SFI1: variants seen among roughly 807,000 people sequenced by gnomAD.
The protein encoded by SFI1 is SFI1 centrin binding protein, also known as protein SFI1 homolog.
In SFI1, 195 loss-of-function variants were observed where a neutral mutation model predicts 207.5. The ratio of observed to expected loss-of-function variants is 0.94; its 90% CI spans 0.84 to 1.06. The LOEUF is 1.06. SFI1 is among the 50% of genes least tolerant of loss of function. The pLI is 0.00. For synonymous variants in SFI1, 630 were observed against 598.9 expected (o/e 1.05, Z -0.76); for missense variants, 1,634 against 1,588.0 (o/e 1.03, Z -0.49).
intron 2 of SFI1, among the ~76,000 whole-genome samples, chr22:31,525,195 T>G (rs1289232210): frequency 6.6e-6 from 1 of 152,234 alleles, no homozygotes; most frequent in Non-Finnish European, 1.5e-5. Flanking sequence ...TTGCTTTTGT[T>G]GCCTGTGCTT....
intron 4 of SFI1, among the ~76,000 whole-genome samples, chr22:31,543,700 C>A (rs925068835): frequency 2.0e-5 from 3 of 151,754 alleles, no homozygotes; most frequent in Admixed American, 2.0e-4. Flanking sequence ...GTCCCAGCTA[C>A]TCTGGAGGCT....
At chr22:31,597,294 T>C (rs540481774) in intron 15 of SFI1, among the ~76,000 whole-genome samples, 1 of 152,304 alleles carries the variant, frequency 6.6e-6, no homozygotes, top group South Asian at 2.1e-4. Flanking sequence ...AGAGGGCGAC[T>C]TGGAGACAGG....
At chr22:31,509,083 A>G (rs1474904375) in intron 2 of SFI1, among the ~76,000 whole-genome samples, 1 of 152,186 alleles carries the variant, frequency 6.6e-6, no homozygotes, top group Non-Finnish European at 1.5e-5. Context: ...GGTGTATTAC[A>G]TAAATTGATT....
At chr22:31,605,653 G>C (rs998037210) in intron 20 of SFI1, 2 of 152,480 alleles carry the variant, frequency 1.3e-5, no homozygotes, top group Non-Finnish European at 2.9e-5. Context: ...TTTCAGACCA[G>C]CCTGGGCAAC....
intron 15 of SFI1, among the ~76,000 whole-genome samples, chr22:31,593,317 G>A (rs1475265569): frequency 2.1e-5 from 3 of 139,782 alleles, no homozygotes; most frequent in Non-Finnish European, 3.2e-5. Context: ...CCTCCCAGAC[G>A]GGGTCTCGGC....
In SFI1 at chr22:31,515,904, A is replaced by G. The variant is rs936473362; in HGVS notation, c.92+7528A>G. On this transcript the variant is annotated intron_variant, in intron 2 of 32. Coordinates refer to ENST00000400288, the MANE Select transcript of SFI1 (RefSeq NM_001007467.3). ...AGTCACGCACCACCATGTCTGGCTA[A>G]TTTTTGTATTATTAGTAGAGACGGA... Among the ~76,000 whole-genome samples, 8 of 151,628 alleles carry G rather than the reference A, an allele frequency of 5.3e-5. No individual in the cohort carries two copies. In the East Asian group the frequency reaches 1.6e-3, roughly 30 times the overall value.
intron 17 of SFI1, among the ~76,000 whole-genome samples, chr22:31,603,311 T>C (rs1292853573): frequency 6.6e-6 from 1 of 152,108 alleles, no homozygotes; most frequent in Admixed American, 6.6e-5. Flanking sequence ...AGATAAGGGA[T>C]AGGGACAGCA....
At chr22:31,598,217 C>T (rs1379997978) in intron 15 of SFI1, among the ~76,000 whole-genome samples, 1 of 151,944 alleles carries the variant, frequency 6.6e-6, no homozygotes, top group Non-Finnish European at 1.5e-5. Context: ...GATCTCCTGA[C>T]CTCATGATCC....
At chr22:31,511,464 GTTTT>G (rs758898165) in intron 2 of SFI1, among the ~76,000 whole-genome samples, 4 of 114,520 alleles carry the variant, frequency 3.5e-5, no homozygotes, top group East Asian at 3.2e-4. Context: ...CATAGTTTCT[GTTTT>G]TTTTTTTTTT....
At chr22:31,617,765 G>A (rs2071974490) in intron 31 of SFI1, among the ~76,000 whole-genome samples, 1 of 150,818 alleles carries the variant, frequency 6.6e-6, no homozygotes, top group Non-Finnish European at 1.5e-5. Context: ...TGACTCAGCT[G>A]CACTCAGTGG....
chr22:31,531,438 GA>G (rs932684477), intron 4 of SFI1, among the ~76,000 whole-genome samples: 152 of 151,246 alleles, frequency 1.0e-3, no homozygotes, highest in African/African-American at 3.5e-3. Flanking sequence ...GAAAAAGAAA[GA>G]AAAAAAAATA....
chr22:31,537,193 G>A (rs926700739), intron 4 of SFI1, among the ~76,000 whole-genome samples: 1 of 152,110 alleles, frequency 6.6e-6, no homozygotes, highest in African/African-American at 2.4e-5. Context: ...GTAACACTTC[G>A]TAGTTGCAAG....
intron 1 of SFI1, among the ~76,000 whole-genome samples, chr22:31,501,082 C>A (rs569136335): frequency 6.6e-6 from 1 of 151,674 alleles, no homozygotes; most frequent in East Asian, 1.9e-4. Flanking sequence ...CAGGTGTGAG[C>A]CACTGTGCCC....
intron 2 of SFI1, among the ~76,000 whole-genome samples, chr22:31,525,986 T>C (rs1300461680): frequency 6.6e-6 from 1 of 152,212 alleles, no homozygotes; most frequent in East Asian, 1.9e-4. Flanking sequence ...TTCCTATTTA[T>C]GTGAAGAATG....
At chr22:31,613,936 T>TGACGGGATGG in intron 27 of SFI1, 81 bp downstream of exon 27, 2 of 1,470,302 alleles carry the variant, frequency 1.4e-6, no homozygotes, top group Non-Finnish European at 1.8e-6. Context: ...AAAACAGCCC[T>TGACGGGATGG]GACGGGATGG....
intron 2 of SFI1, among the ~76,000 whole-genome samples, chr22:31,526,139 C>A (rs1215057791): frequency 6.6e-6 from 1 of 152,106 alleles, no homozygotes. Flanking sequence ...ACTAGATAAT[C>A]TTATAGAAGC....
chr22:31,543,008 G>C (rs1400131800), intron 4 of SFI1, among the ~76,000 whole-genome samples: 5 of 123,200 alleles, frequency 4.1e-5, no homozygotes, highest in Middle Eastern at 6.3e-3. Flanking sequence ...GTCTCACTCT[G>C]TCTCCCAGGC....
rs2065631977 is a variant in SFI1 at position 31,590,058 on chromosome 22, AAGATG to A, written c.1544+491_1544+495del. Among the ~76,000 whole-genome samples the A allele has an allele frequency of 2.0e-5, 3 of 151,664 alleles. No homozygotes were observed. The South Asian group carries it at 6.3e-4, about 32-fold the overall frequency. The stretch of plus-strand genomic sequence containing the variant: ...GTAAATCCCAGTTGAAGGGCAGGAG[AAGATG>A]AGATGAGATCTGCCCACGCAGGCAG... On this transcript the variant is annotated intron_variant, in intron 15 of 32. Coordinates refer to ENST00000400288, the MANE Select transcript of SFI1 (RefSeq NM_001007467.3).
chr22:31,565,236 A>T (rs1022629272), intron 8 of SFI1, among the ~76,000 whole-genome samples: 1 of 151,946 alleles, frequency 6.6e-6, no homozygotes, highest in Admixed American at 6.6e-5. Context: ...TTCTGGTATG[A>T]TTGTTCTCCT....
Sources: gnomAD v4.1 joint callset for allele counts (sites outside exome capture counted in the v4.1 genomes callset) on GRCh38, gnomAD v4.1.1 for gene constraint, MANE v1.5 for transcripts, NCBI Gene and HGNC (gene_info 2026-07-23, HGNC 2026-07-21) for gene names.